The following DLGAP2 variants were observed in gnomAD, a reference collection of about 807,000 sequenced individuals.
DLGAP2 encodes the protein disks large-associated protein 2.
In DLGAP2, 26 loss-of-function variants were observed where a neutral mutation model predicts 100.3. That is an observed-to-expected ratio of 0.26 (90% CI 0.19 to 0.36). The LOEUF (loss-of-function observed/expected upper bound fraction) is 0.36, where lower values mean the gene tolerates loss of function less well. Among genes scored for constraint, DLGAP2 ranks in the 10% least tolerant of loss-of-function variants. DLGAP2 has a pLI of 1.00. For missense variants in DLGAP2, 1,858 were observed against 1,453.2 expected, an observed-to-expected ratio of 1.28 and a Z score of -4.53; for synonymous variants, 886 against 630.1, an observed-to-expected ratio of 1.41 and a Z score of -6.08.
intron 2 of DLGAP2, among the ~76,000 whole-genome samples, chr8:924,849 G>A (rs2129002080): frequency 6.6e-6 from 1 of 152,272 alleles, no homozygotes; most frequent in South Asian, 2.1e-4. Flanking sequence ...GCCTCCCAAA[G>A]TGCTGGGATT....
chr8:1,214,369 G>C (rs907372141), intron 2 of DLGAP2, among the ~76,000 whole-genome samples: 1 of 152,224 alleles, frequency 6.6e-6, no homozygotes, highest in African/African-American at 2.4e-5. Flanking sequence ...TTTCCAGGGG[G>C]AAGAGGTGCC....
At chr8:1,182,285 A>G (rs1184674369) in intron 2 of DLGAP2, among the ~76,000 whole-genome samples, 1 of 152,232 alleles carries the variant, frequency 6.6e-6, no homozygotes, top group Non-Finnish European at 1.5e-5. Flanking sequence ...GAAAAGGGCA[A>G]AGCTGTGTTC....
At chr8:1,189,758 G>A (rs1288722503) in intron 2 of DLGAP2, among the ~76,000 whole-genome samples, 2 of 152,264 alleles carry the variant, frequency 1.3e-5, no homozygotes, top group Admixed American at 6.5e-5. Flanking sequence ...TTCAGGACAC[G>A]GCAGATACAG....
intron 8 of DLGAP2, among the ~76,000 whole-genome samples, chr8:1,658,607 C>T (rs1400825263): frequency 6.6e-6 from 1 of 152,152 alleles, no homozygotes; most frequent in Non-Finnish European, 1.5e-5. Flanking sequence ...CCATTCCCTT[C>T]TAGATTTTCT....
At chr8:1,315,387 T>C (rs1261980824) in intron 3 of DLGAP2, among the ~76,000 whole-genome samples, 4 of 144,860 alleles carry the variant, frequency 2.8e-5, no homozygotes, top group African/African-American at 1.0e-4. Flanking sequence ...TCTCCAACAG[T>C]GGTCTACACT....
rs142222663 is a variant in DLGAP2, at chr8:977,009, G to A, written c.73+69043G>A. 3.0e-3 allele frequency among the ~76,000 whole-genome samples: 452 copies of A among 152,250 alleles called. 4 individuals are homozygous for A. Among genetic ancestry groups the A allele is most frequent in the African/African-American group, 0.01 (426 of 41,548 alleles). On this transcript the variant is annotated intron_variant, in intron 2 of 14. Transcript: ENST00000637795. ...AGAATGAAATGACAAGCTACAGACT[G>A]GGAGAAAATATTTACAAAACACTTA... is the stretch of plus-strand genomic sequence containing the variant.
chr8:1,639,624 C>T (rs1335942831), intron 8 of DLGAP2, among the ~76,000 whole-genome samples: 2 of 133,242 alleles, frequency 1.5e-5, no homozygotes, highest in East Asian at 4.1e-4. Flanking sequence ...TAAAAATGGT[C>T]ACAAGCCCTA....
chr8:1,312,389 G>T (rs1449997263), intron 3 of DLGAP2, among the ~76,000 whole-genome samples: 3 of 152,170 alleles, frequency 2.0e-5, no homozygotes, highest in African/African-American at 7.2e-5. Context: ...TTAAGAGAAT[G>T]AAATGACAGA....
chr8:881,222 C>T lies in DLGAP2; in HGVS notation c.19-26690C>T, dbSNP rs76781628. On this transcript the variant is annotated intron_variant, in intron 1 of 14. Transcript: ENST00000637795. ...TTTTACTTTTCAGAAAATTAATAGG[C>T]GATCTTCATTTGAGCTATAAAACTC... is the stretch of plus-strand genomic sequence containing the variant. 1.3e-3 allele frequency among the ~76,000 whole-genome samples: 203 copies of T among 152,276 alleles called. 1 individual carries two copies. The highest frequency in any genetic ancestry group is 4.4e-3 in the East Asian group (23 of 5,182).
At chr8:1,267,320 A>G (rs922445307) in intron 3 of DLGAP2, among the ~76,000 whole-genome samples, 2 of 151,394 alleles carry the variant, frequency 1.3e-5, no homozygotes, top group Non-Finnish European at 2.9e-5. Context: ...TAATTCCAGC[A>G]CTTTGGGAGG....
chr8:1,345,397 C>A (rs1008484570), intron 3 of DLGAP2, among the ~76,000 whole-genome samples: 2 of 152,172 alleles, frequency 1.3e-5, no homozygotes, highest in Admixed American at 1.3e-4. Context: ...CATGTAGTTT[C>A]CCCCATTTTG....
At chr8:800,948 G>GC (rs11386625) in intron 1 of DLGAP2, among the ~76,000 whole-genome samples, 52,504 of 151,376 alleles carry the variant, frequency 0.35, 9,765 homozygotes, top group Admixed American at 0.51. Context: ...TGCTTGTTGT[G>GC]CCCCCCCACC....
chr8:1,160,351 GC>G (rs1796866468), intron 2 of DLGAP2, among the ~76,000 whole-genome samples: 1 of 152,156 alleles, frequency 6.6e-6, no homozygotes, highest in Non-Finnish European at 1.5e-5. Flanking sequence ...GATCAGCCCC[GC>G]CCCAAACTCG....
intron 1 of DLGAP2, among the ~76,000 whole-genome samples, chr8:889,450 G>A (rs982020492): frequency 5.9e-5 from 9 of 152,172 alleles, no homozygotes; most frequent in African/African-American, 1.7e-4. Flanking sequence ...TAGGGGCTCA[G>A]GCCTAGGGAG....
At chr8:1,330,528 TGGGACTGAGTTCTGG>T in intron 3 of DLGAP2, among the ~76,000 whole-genome samples, 3 of 131,274 alleles carry the variant, frequency 2.3e-5, no homozygotes, top group Non-Finnish European at 4.8e-5. Context: ...GAGTTCTGGG[TGGGACTGAGTTCTGG>T]GTGGGAGCAC....
intron 3 of DLGAP2, among the ~76,000 whole-genome samples, chr8:1,287,817 A>G (rs1799974875): frequency 1.0e-5 from 1 of 98,788 alleles, no homozygotes; most frequent in Non-Finnish European, 1.9e-5. Flanking sequence ...TAGGACGGGA[A>G]CTAGTTTTGG....
chr8:1,706,859 ACTTCG>A lies in DLGAP2; in HGVS notation c.*5455_*5459del, dbSNP rs2130903663. 6.6e-6 allele frequency: 1 copy of A among 152,274 alleles called. No homozygotes were observed. Among genetic ancestry groups the A allele is most frequent in the East Asian group, 1.9e-4 (1 of 5,178 alleles). 9.4% of individuals were successfully genotyped at this position (152,274 alleles called of 1,614,324 possible). A position where few individuals can be genotyped will look rare whatever the true frequency, so the allele number is the denominator to read the frequency against. On this transcript the variant is annotated 3_prime_UTR_variant, in exon 15 of 15. Transcript: ENST00000637795. ...AATTCCAGGCGTTTGTAATTTTTCT[ACTTCG>A]CACTTGAGAGAAGGCAGAGGTGGTC...
intron 4 of DLGAP2, among the ~76,000 whole-genome samples, chr8:1,526,573 C>A (rs932316554): frequency 2.6e-5 from 4 of 152,206 alleles, no homozygotes; most frequent in Admixed American, 6.5e-5. Context: ...AGCGAGACTT[C>A]CCGAGGAGGA....
intron 3 of DLGAP2, among the ~76,000 whole-genome samples, chr8:1,282,682 G>A (rs1307184249): frequency 7.5e-6 from 1 of 133,658 alleles, no homozygotes; most frequent in Non-Finnish European, 1.6e-5. Context: ...CCTGAACCCA[G>A]CGCATGAACC....
Sources: allele counts gnomAD v4.1 joint callset (sites outside exome capture counted in the v4.1 genomes callset), GRCh38; gene constraint gnomAD v4.1.1; transcripts MANE v1.5; gene names NCBI Gene and HGNC (gene_info 2026-07-23, HGNC 2026-07-21).